The following RNF38 variants were observed in gnomAD, a reference collection of about 807,000 sequenced individuals.
RNF38 encodes the protein ring finger protein 38.
RNF38 carries 15 observed loss-of-function variants against 67.2 expected under a neutral mutation model. The ratio of observed to expected loss-of-function variants is 0.22; its 90% CI spans 0.15 to 0.34. The LOEUF (loss-of-function observed/expected upper bound fraction) is 0.34. RNF38 is among the 10% of genes least tolerant of loss of function. The pLI, the probability that RNF38 is intolerant of heterozygous loss-of-function variation, is 1.00. For missense variants in RNF38, 524 were observed against 639.9 expected, an observed-to-expected ratio of 0.82 and a Z score of 1.95; for synonymous variants, 220 against 218.8, an observed-to-expected ratio of 1.01 and a Z score of -0.05.
In RNF38 at chr9:36,460,903, A is replaced by AAAG. The variant is rs1554699818; in HGVS notation, n.241+26404_241+26405insCTT. ...ACTCTCTCAAAAAAAAAAAAAAAAA[A>AAAG]AAAGAAAGAAAGAAAGAAAAAAAAG... On this transcript the variant is annotated intron_variant and non_coding_transcript_variant, in intron 1 of 3. Coordinates refer to the RNF38 transcript ENST00000488058. Among the ~76,000 whole-genome samples, 1,216 of 144,974 alleles carry AAAG rather than the reference A, an allele frequency of 8.4e-3. 9 individuals carry two copies. The highest frequency in any genetic ancestry group is 0.014 in the Non-Finnish European group (936 of 66,080).
intron 10 of RNF38, among the ~76,000 whole-genome samples, chr9:36,344,160 GC>G (rs1021899445): frequency 6.6e-6 from 1 of 152,014 alleles, no homozygotes; most frequent in Admixed American, 6.6e-5. Context: ...GATTACAGGT[GC>G]CTGCCACCAT....
rs899984638 is a variant in RNF38, at chr9:36,342,258, A to G, written c.1485+67T>C. The G allele has an allele frequency of 3.6e-6, 4 of 1,101,840 alleles. No individual in the cohort carries two copies. The African/African-American group carries it at 4.6e-5, about 13-fold the overall frequency. The allele number at this position is 1,101,840 out of a possible 1,614,324, so 68.3% of individuals were successfully genotyped here. On this transcript the variant is annotated intron_variant, in intron 11 of 11. Transcript: ENST00000259605. Reference sequence around the variant, plus strand: ...TTCCTGTCCACTGAGCTATGAACTTACTCTAATCCATGGTCAATAAAATAG... The same window carrying G: ...TTCCTGTCCACTGAGCTATGAACTTGCTCTAATCCATGGTCAATAAAATAG...
chr9:36,467,328 GAA>G (rs905217198), intron 1 of RNF38, among the ~76,000 whole-genome samples: 1 of 147,884 alleles, frequency 6.8e-6, no homozygotes, highest in Non-Finnish European at 1.5e-5. Context: ...TTAAAATTAT[GAA>G]AAAAATTAGA....
At chr9:36,445,164 G>C (rs1246516690) in intron 1 of RNF38, among the ~76,000 whole-genome samples, 1 of 152,006 alleles carries the variant, frequency 6.6e-6, no homozygotes, top group Non-Finnish European at 1.5e-5. Context: ...TGACAGAGAA[G>C]GTACGCACTT....
intron 2 of RNF38, among the ~76,000 whole-genome samples, chr9:36,386,014 C>T (rs187800016): frequency 1.3e-5 from 2 of 152,252 alleles, no homozygotes; most frequent in Non-Finnish European, 2.9e-5. Context: ...CGTCCAATCC[C>T]GAAGCAGTGA....
intron 2 of RNF38, among the ~76,000 whole-genome samples, chr9:36,384,555 T>G (rs943750843): frequency 6.6e-6 from 1 of 152,146 alleles, no homozygotes; most frequent in African/African-American, 2.4e-5. Context: ...GTTTCAAGGA[T>G]GCAGGATGAA....
In RNF38 at chr9:36,356,390, T is replaced by G. The variant is rs1238998489; in HGVS notation, c.822A>C (p.Ile274=). The G allele has an allele frequency of 6.2e-6, 10 of 1,613,940 alleles. No individual in the cohort carries two copies. The highest frequency in any genetic ancestry group is 2.2e-5 in the East Asian group (1 of 44,886). The change falls in exon 6 of 12, where the codon ATA becomes ATC. Residue 274 remains isoleucine (I), a synonymous_variant. Transcript: ENST00000259605. ...GATGGGGAGAAAGGTGAGGAGGATG[T>G]ATAAGAAATGGATCACTAGAAATAA... ...PPLISSDPFL[I]HPPHLSPHHP... is the part of the protein sequence containing the mutation.
At chr9:36,462,449 C>T (rs914120087) in intron 1 of RNF38, among the ~76,000 whole-genome samples, 2 of 152,144 alleles carry the variant, frequency 1.3e-5, no homozygotes, top group African/African-American at 4.8e-5. Context: ...TATATCACCA[C>T]TCCTCTGCTC....
rs1419710744 is a variant in RNF38, at chr9:36,420,016, T to TA, written n.312+4596dup. ...CTCTGAGGCCTTCTCCACTTGCAGA[T>TA]ATGTTTCTCCAAGCATGTCACAGTT... On this transcript the variant is annotated intron_variant and non_coding_transcript_variant, in intron 2 of 3. Coordinates refer to the RNF38 transcript ENST00000488058. Among the ~76,000 whole-genome samples, 4 of 152,076 alleles carry TA rather than the reference T, an allele frequency of 2.6e-5. 1 individual carries two copies. Among genetic ancestry groups the TA allele is most frequent in the Non-Finnish European group, 5.9e-5 (4 of 68,002 alleles).
chr9:36,355,667 T>C (rs1474454972), intron 6 of RNF38, among the ~76,000 whole-genome samples: 1 of 152,222 alleles, frequency 6.6e-6, no homozygotes, highest in Admixed American at 6.5e-5. Flanking sequence ...TAAAAACTTT[T>C]CTTCAGATTT....
At chr9:36,456,610 G>C (rs906314855) in intron 1 of RNF38, among the ~76,000 whole-genome samples, 2 of 152,010 alleles carry the variant, frequency 1.3e-5, no homozygotes, top group Non-Finnish European at 1.5e-5. Flanking sequence ...AGTGAAGGCT[G>C]TCTCTCCTGC....
intron 1 of RNF38, among the ~76,000 whole-genome samples, chr9:36,456,506 A>G (rs1444458652): frequency 6.6e-6 from 1 of 150,676 alleles, no homozygotes; most frequent in African/African-American, 2.4e-5. Context: ...AAACTTTTTG[A>G]TGCTATAGAA....
chr9:36,395,548 A>C (rs1049884061), intron 1 of RNF38, among the ~76,000 whole-genome samples: 1 of 152,216 alleles, frequency 6.6e-6, no homozygotes, highest in Non-Finnish European at 1.5e-5. Flanking sequence ...TGTCACCTCT[A>C]GCTACAAGTC....
Position 36,351,207 on chromosome 9 carries a change from G to A in RNF38, c.1179-8C>T, listed in dbSNP as rs1178031314. The stretch of plus-strand genomic sequence containing the variant: ...GGCACTGGAAGCATTGATCTGCAGT[G>A]AAAACAATCACACTAGCATTGATAT... On this transcript the variant is annotated splice_region_variant and splice_polypyrimidine_tract_variant and intron_variant, in intron 8 of 11. Transcript: ENST00000259605. 1 of 1,599,852 alleles carries A rather than the reference G, an allele frequency of 6.3e-7. No homozygotes were observed. The highest frequency in any genetic ancestry group is 2.2e-5 in the East Asian group (1 of 44,692).
upstream of RNF38, among the ~76,000 whole-genome samples, chr9:36,404,168 G>A (rs1006286257): frequency 2.0e-5 from 3 of 152,122 alleles, no homozygotes; most frequent in African/African-American, 4.8e-5. Context: ...TTCCCCATAC[G>A]GACATCTACT....
intron 1 of RNF38, among the ~76,000 whole-genome samples, chr9:36,435,394 T>C (rs1230244025): frequency 6.6e-6 from 1 of 152,192 alleles, no homozygotes; most frequent in African/African-American, 2.4e-5. Flanking sequence ...AATTTTTAAA[T>C]GAGATGTGAC....
At chr9:36,428,573 C>A (rs1331627404) in intron 1 of RNF38, among the ~76,000 whole-genome samples, 1 of 151,868 alleles carries the variant, frequency 6.6e-6, no homozygotes, top group Non-Finnish European at 1.5e-5. Context: ...TAACATACAT[C>A]AAGTTTTGTT....
rs1156534221 is a variant in RNF38 at position 36,356,339 on chromosome 9, G to C, written c.873C>G (p.Gly291=). 6.2e-7 allele frequency: 1 copy of C among 1,614,032 alleles called. No homozygotes were observed. Among genetic ancestry groups the C allele is most frequent in the East Asian group, 2.2e-5 (1 of 44,880 alleles). Residue 291 remains glycine (G), a synonymous_variant, in exon 6 of 12, where the codon GGC becomes GGG. Coordinates refer to ENST00000259605, the MANE Select transcript of RNF38 (RefSeq NM_022781.5). ...GCTGTGTTTGGAAAGGGACAAACTG[G>C]CCTGGTGGTGGCAAATGAGGAGGAT... ...PHHPPHLPPP[G]QFVPFQTQQS... is the part of the protein sequence containing the mutation.
chr9:36,450,187 C>G (rs565271454), intron 1 of RNF38, among the ~76,000 whole-genome samples: 1 of 152,258 alleles, frequency 6.6e-6, no homozygotes, highest in South Asian at 2.1e-4. Context: ...CATCATCACT[C>G]TATTTCCAAA....
Sources: allele counts gnomAD v4.1 joint callset (sites outside exome capture counted in the v4.1 genomes callset), GRCh38; gene constraint gnomAD v4.1.1; transcripts MANE v1.5; gene names NCBI Gene and HGNC (gene_info 2026-07-23, HGNC 2026-07-21).